Variants in CDH8 observed in about 807,000 individuals in gnomAD.
The protein encoded by CDH8 is cadherin 8.
In CDH8, 17 loss-of-function variants were observed where a neutral mutation model predicts 68.1. The ratio of observed to expected loss-of-function variants is 0.25; its 90% CI spans 0.17 to 0.37. The LOEUF (loss-of-function observed/expected upper bound fraction) is 0.37. Among genes scored for constraint, CDH8 ranks in the 10% least tolerant of loss-of-function variants. The probability of loss-of-function intolerance (pLI) is 1.00; values close to 1 mark genes in which losing one functional copy is unlikely to be tolerated. For missense variants in CDH8, 763 were observed against 999.3 expected (o/e 0.76, Z 3.19); for synonymous variants, 372 against 365.1 (o/e 1.02, Z -0.21).
chr16:61,931,966 G>A (rs534182610), intron 2 of CDH8, among the ~76,000 whole-genome samples: 10 of 152,202 alleles, frequency 6.6e-5, no homozygotes, highest in Non-Finnish European at 1.5e-4. Flanking sequence ...CCAGCACTTT[G>A]GGAGGCCGAG....
At chr16:61,692,595 A>G (rs1964249868) in intron 10 of CDH8, 1 of 147,608 alleles carries the variant, frequency 6.8e-6, no homozygotes, top group African/African-American at 2.5e-5. Context: ...GTTTGTTTTC[A>G]TTGAAGGAGA....
chr16:61,789,058 T>C (rs188743957), intron 8 of CDH8, among the ~76,000 whole-genome samples: 1 of 152,222 alleles, frequency 6.6e-6, no homozygotes, highest in East Asian at 1.9e-4. Flanking sequence ...ACCTACTGTT[T>C]TATACTAAAT....
At chr16:61,969,507 C>T (rs1425053801) in intron 2 of CDH8, among the ~76,000 whole-genome samples, 1 of 152,164 alleles carries the variant, frequency 6.6e-6, no homozygotes. Context: ...GATGCCTCTC[C>T]CAGCTCTAAC....
chr16:61,821,762 G>T (rs1962220693), intron 5 of CDH8, among the ~76,000 whole-genome samples: 1 of 151,942 alleles, frequency 6.6e-6, no homozygotes, highest in Non-Finnish European at 1.5e-5. Context: ...TCCTATGGGG[G>T]CAATAAAGTG....
At chr16:61,896,760 C>T (rs1267514630) in intron 3 of CDH8, among the ~76,000 whole-genome samples, 1 of 152,042 alleles carries the variant, frequency 6.6e-6, no homozygotes, top group Non-Finnish European at 1.5e-5. Context: ...AGGTGGGAAA[C>T]AGATTAATAA....
chr16:61,671,679 T>C (rs1963798801), intron 10 of CDH8, among the ~76,000 whole-genome samples: 1 of 152,056 alleles, frequency 6.6e-6, no homozygotes, highest in African/African-American at 2.4e-5. Flanking sequence ...GTGGACACAT[T>C]ATCATTCCTC....
At chr16:61,921,160 C>T (rs1363759614) in intron 2 of CDH8, among the ~76,000 whole-genome samples, 3 of 148,446 alleles carry the variant, frequency 2.0e-5, no homozygotes, top group East Asian at 4.1e-4. Context: ...TGCTAGATGA[C>T]GAGTTGGTGG....
chr16:61,969,813 A>G (rs996161336), intron 2 of CDH8, among the ~76,000 whole-genome samples: 1 of 152,204 alleles, frequency 6.6e-6, no homozygotes, highest in Admixed American at 6.5e-5. Flanking sequence ...ATCAAGCATG[A>G]GCCCATCTTC....
intron 10 of CDH8, among the ~76,000 whole-genome samples, chr16:61,699,428 T>C (rs1964381953): frequency 6.6e-6 from 1 of 152,196 alleles, no homozygotes; most frequent in African/African-American, 2.4e-5. Context: ...GACACTGCAT[T>C]AAGAAATTAA....
At chr16:61,867,473 C>G (rs1451461199) in intron 3 of CDH8, among the ~76,000 whole-genome samples, 1 of 152,008 alleles carries the variant, frequency 6.6e-6, no homozygotes, top group Admixed American at 6.6e-5. Flanking sequence ...GGCAGATAAA[C>G]AGTTAAAGCA....
chr16:61,817,821 G>A (rs1373526510), intron 6 of CDH8, 89 bp from the exon 7 acceptor site: 3 of 1,356,590 alleles, frequency 2.2e-6, no homozygotes, highest in Admixed American at 2.4e-5. Context: ...TGAAAGTTAT[G>A]TGCATTTAAA....
At chr16:61,946,737 A>G (rs999775843) in intron 2 of CDH8, among the ~76,000 whole-genome samples, 1 of 152,192 alleles carries the variant, frequency 6.6e-6, no homozygotes, top group East Asian at 1.9e-4. Context: ...AATTTAGGTG[A>G]AACAGGGTTA....
At chr16:61,958,513 A>G (rs1965023746) in intron 2 of CDH8, among the ~76,000 whole-genome samples, 1 of 152,138 alleles carries the variant, frequency 6.6e-6, no homozygotes, top group Non-Finnish European at 1.5e-5. Flanking sequence ...TTTGTATACC[A>G]TTGCTCTTTA....
intron 2 of CDH8, among the ~76,000 whole-genome samples, chr16:61,988,744 A>G (rs1190123761): frequency 6.6e-6 from 1 of 152,208 alleles, no homozygotes; most frequent in Non-Finnish European, 1.5e-5. Context: ...ATGTTTTGTT[A>G]TTAATTTAAA....
At chr16:61,809,352 G>A (rs1961883682) in intron 7 of CDH8, among the ~76,000 whole-genome samples, 1 of 152,090 alleles carries the variant, frequency 6.6e-6, no homozygotes, top group Non-Finnish European at 1.5e-5. Context: ...TGACTTTCCT[G>A]CATGTTCTCA....
At chr16:62,032,181 G>A (rs768469040) in intron 1 of CDH8, among the ~76,000 whole-genome samples, 45 of 152,100 alleles carry the variant, frequency 3.0e-4, no homozygotes, top group South Asian at 1.2e-3. Context: ...TTGAAAGACT[G>A]ATCAATATAC....
At chr16:61,766,696 A>G (rs1359509556) in intron 8 of CDH8, among the ~76,000 whole-genome samples, 5 of 151,862 alleles carry the variant, frequency 3.3e-5, no homozygotes, top group Non-Finnish European at 7.4e-5. Context: ...AATAATGACC[A>G]TTCTGGCTGA....
chr16:61,658,589 T>C (rs1337415155), intron 10 of CDH8, among the ~76,000 whole-genome samples: 1 of 152,066 alleles, frequency 6.6e-6, no homozygotes, highest in African/African-American at 2.4e-5. Flanking sequence ...TCTGTTTCAA[T>C]AATCTGATTC....
At chr16:61,705,924 T>A (rs892763147) in intron 10 of CDH8, among the ~76,000 whole-genome samples, 5 of 152,178 alleles carry the variant, frequency 3.3e-5, no homozygotes, top group Admixed American at 3.3e-4. Flanking sequence ...AAAACAAAAA[T>A]ATACTGTATA....
Sources: gnomAD v4.1 joint callset for allele counts (sites outside exome capture counted in the v4.1 genomes callset) on GRCh38, gnomAD v4.1.1 for gene constraint, MANE v1.5 for transcripts, NCBI Gene and HGNC (gene_info 2026-07-23, HGNC 2026-07-21) for gene names.